The following UTS2 variants were observed in gnomAD, a reference collection of about 807,000 sequenced individuals.
The protein encoded by UTS2 is urotensin 2, also known as urotensin-2.
In UTS2, 10 loss-of-function variants were observed where a neutral mutation model predicts 12.6. The ratio of observed to expected loss-of-function variants is 0.80; its 90% CI spans 0.49 to 1.35. The LOEUF (loss-of-function observed/expected upper bound fraction) is 1.35. UTS2 is among the 40% of genes most tolerant of loss of function. The pLI, the probability that UTS2 is intolerant of heterozygous loss-of-function variation, is 0.00. For synonymous variants in UTS2, 52 were observed against 50.0 expected (o/e 1.04, Z -0.17); for missense variants, 142 against 143.2 (o/e 0.99, Z 0.04).
At chr1:7,909,672 G>A in the UTS2 span, among the ~76,000 whole-genome samples, 1 of 151,818 alleles carries the variant, frequency 6.6e-6, no homozygotes, top group Admixed American at 6.6e-5. Flanking sequence ...CCAGGCTGGA[G>A]TGCAATGGCA....
the UTS2 span, among the ~76,000 whole-genome samples, chr1:7,884,303 T>G: frequency 1.7e-4 from 3 of 17,342 alleles, no homozygotes; most frequent in East Asian, 8.5e-4. Context: ...TAACATCTGA[T>G]TTTTTTTTTT....
chr1:7,872,299 C>CAAAAAAAAA, the UTS2 span, among the ~76,000 whole-genome samples: 207 of 65,878 alleles, frequency 3.1e-3, 11 homozygotes, highest in Middle Eastern at 0.014. Flanking sequence ...GACTCTGTCT[C>CAAAAAAAAA]AAAAAAAAAA....
At chr1:7,895,501 G>A in the UTS2 span, among the ~76,000 whole-genome samples, 5 of 152,122 alleles carry the variant, frequency 3.3e-5, no homozygotes, top group Admixed American at 6.6e-5. Context: ...CTTAGTGCAG[G>A]AGAAAATTCT....
chr1:7,865,528 G>A, the UTS2 span, among the ~76,000 whole-genome samples: 7 of 127,950 alleles, frequency 5.5e-5, no homozygotes, highest in African/African-American at 1.8e-4. Context: ...CTCCCACAGC[G>A]GTCCCTCTGT....
At chr1:7,906,769 G>A in the UTS2 span, among the ~76,000 whole-genome samples, 7 of 152,116 alleles carry the variant, frequency 4.6e-5, no homozygotes, top group South Asian at 4.1e-4. Context: ...CCACGAACAC[G>A]GGCAGTAGGA....
At chr1:7,897,208 G>A in the UTS2 span, among the ~76,000 whole-genome samples, 8 of 152,248 alleles carry the variant, frequency 5.3e-5, no homozygotes, top group South Asian at 2.1e-4. Flanking sequence ...ATCACTGTAC[G>A]TGTAGTAAAT....
the UTS2 span, among the ~76,000 whole-genome samples, chr1:7,868,463 T>C: frequency 6.6e-6 from 1 of 152,034 alleles, no homozygotes; most frequent in Non-Finnish European, 1.5e-5. Context: ...CCCTGTGGGG[T>C]AGCAGGGAGT....
At chr1:7,851,575 G>A (rs184856820) in intron 1 of UTS2, among the ~76,000 whole-genome samples, 2 of 152,304 alleles carry the variant, frequency 1.3e-5, no homozygotes, top group East Asian at 3.9e-4. Flanking sequence ...ACCTGCTGCT[G>A]TGTTGCGATT....
the UTS2 span, among the ~76,000 whole-genome samples, chr1:7,873,693 G>A: frequency 6.6e-6 from 1 of 152,190 alleles, no homozygotes; most frequent in South Asian, 2.1e-4. Context: ...ATGGTTTCTT[G>A]AGATGGAATC....
chr1:7,860,925 C>G, the UTS2 span, among the ~76,000 whole-genome samples: 932 of 151,768 alleles, frequency 6.1e-3, 5 homozygotes, highest in Non-Finnish European at 0.011. Context: ...ACCTGGAATT[C>G]CAGCTACTCG....
the UTS2 span, among the ~76,000 whole-genome samples, chr1:7,911,937 G>T: frequency 1.3e-5 from 2 of 151,116 alleles, no homozygotes; most frequent in Non-Finnish European, 2.9e-5. Flanking sequence ...AGACTTTTCT[G>T]TGGATTCTGG....
At chr1:7,890,972 C>CCCCG in the UTS2 span, among the ~76,000 whole-genome samples, 1 of 151,198 alleles carries the variant, frequency 6.6e-6, no homozygotes, top group Non-Finnish European at 1.5e-5. Flanking sequence ...CCTCCACCCC[C>CCCCG]CCCCACAAAA....
the UTS2 span, among the ~76,000 whole-genome samples, chr1:7,868,171 A>C: frequency 6.6e-6 from 1 of 152,036 alleles, no homozygotes; most frequent in African/African-American, 2.4e-5. Context: ...TGCTCTGACA[A>C]TTTTGTTAAT....
chr1:7,895,893 G>C, the UTS2 span, among the ~76,000 whole-genome samples: 1 of 152,164 alleles, frequency 6.6e-6, no homozygotes, highest in Non-Finnish European at 1.5e-5. Context: ...TATGCGTCAA[G>C]CCATTATGGT....
At chr1:7,900,437 C>G in the UTS2 span, among the ~76,000 whole-genome samples, 1 of 151,794 alleles carries the variant, frequency 6.6e-6, no homozygotes, top group Non-Finnish European at 1.5e-5. Flanking sequence ...AGGAAGGAAG[C>G]GAGCAAGGTA....
the UTS2 span, among the ~76,000 whole-genome samples, chr1:7,867,084 G>T: frequency 2.0e-5 from 3 of 152,060 alleles, no homozygotes; most frequent in Non-Finnish European, 4.4e-5. Context: ...TGGTCAGGAT[G>T]GTCTTGAACT....
the UTS2 span, among the ~76,000 whole-genome samples, chr1:7,868,502 G>T: frequency 1.3e-5 from 2 of 152,154 alleles, no homozygotes; most frequent in Non-Finnish European, 2.9e-5. Flanking sequence ...ACTTGACAAG[G>T]GTACCCCCAG....
chr1:7,849,209 C>A (rs2097411207), intron 3 of UTS2, among the ~76,000 whole-genome samples: 1 of 151,976 alleles, frequency 6.6e-6, no homozygotes, highest in African/African-American at 2.4e-5. Flanking sequence ...ATAATGCTGG[C>A]CAATTATTAT....
the UTS2 span, among the ~76,000 whole-genome samples, chr1:7,895,538 A>G: frequency 2.6e-5 from 4 of 152,192 alleles, no homozygotes; most frequent in African/African-American, 9.6e-5. Flanking sequence ...AGTAAAAGGA[A>G]GATGAGGAGT....
Sources: gnomAD v4.1 joint callset for allele counts (sites outside exome capture counted in the v4.1 genomes callset) on GRCh38, gnomAD v4.1.1 for gene constraint, MANE v1.5 for transcripts, NCBI Gene and HGNC (gene_info 2026-07-23, HGNC 2026-07-21) for gene names.